ADARB2: variants seen among roughly 807,000 people sequenced by gnomAD.
ADARB2 encodes the protein adenosine deaminase RNA specific B2 (inactive).
In ADARB2, 25 loss-of-function variants were observed where a neutral mutation model predicts 62.2. The ratio of observed to expected loss-of-function variants is 0.40; its 90% confidence interval spans 0.29 to 0.56. The LOEUF (loss-of-function observed/expected upper bound fraction) is 0.56, where lower values mean the gene tolerates loss of function less well. ADARB2 is among the 20% of genes least tolerant of loss of function. ADARB2 has a pLI of 0.43. For synonymous variants in ADARB2, 572 were observed against 500.8 expected, an observed-to-expected ratio of 1.14 and a Z score of -1.90; for missense variants, 1,071 against 1,077.4, an observed-to-expected ratio of 0.99 and a Z score of 0.08.
intron 3 of ADARB2, among the ~76,000 whole-genome samples, chr10:1,307,879 A>G (rs1394996874): frequency 1.6e-5 from 2 of 128,788 alleles, no homozygotes; most frequent in African/African-American, 5.9e-5. Flanking sequence ...GAATTGAACA[A>G]TGAGATCACA....
Position 1,288,228 on chromosome 10 carries a change from GAATC to G in ADARB2, c.1078-17163_1078-17160del, listed in dbSNP as rs555082397. Among the ~76,000 whole-genome samples the G allele has an allele frequency of 4.6e-5, 7 of 152,346 alleles. 1 individual carries two copies. The South Asian group carries it at 1.5e-3, about 32-fold the overall frequency. On this transcript the variant is annotated intron_variant, in intron 3 of 9. Coordinates refer to ENST00000381312, the MANE Select transcript of ADARB2 (RefSeq NM_018702.4). ...CCCCATCCCTGTCCCTCGGGGAAAA[GAATC>G]AATCAGAATTTATTGTGCAAGGCAC...
At chr10:1,369,437 A>T (rs2131854196) in intron 2 of ADARB2, among the ~76,000 whole-genome samples, 1 of 152,040 alleles carries the variant, frequency 6.6e-6, no homozygotes, top group East Asian at 2.0e-4. Context: ...TGCCCTGTGG[A>T]AGTTACCCCC....
intron 1 of ADARB2, among the ~76,000 whole-genome samples, chr10:1,591,453 C>G (rs779299416): frequency 1.3e-5 from 2 of 152,184 alleles, no homozygotes; most frequent in East Asian, 3.9e-4. Flanking sequence ...CCAAAGGCAT[C>G]GAGACAGTGG....
chr10:1,439,246 T>C (rs1251409061), intron 1 of ADARB2, among the ~76,000 whole-genome samples: 2 of 123,084 alleles, frequency 1.6e-5, no homozygotes, highest in South Asian at 3.1e-4. Context: ...AGGCAGACTC[T>C]TCATGATGGG....
intron 1 of ADARB2, among the ~76,000 whole-genome samples, chr10:1,528,583 C>T (rs114269924): frequency 0.016 from 2,382 of 152,310 alleles, 53 homozygotes; most frequent in African/African-American, 0.054. Context: ...ATCCCAGCAG[C>T]GCCCGGTGTG....
At chr10:1,549,746 G>A (rs1012693058) in intron 1 of ADARB2, among the ~76,000 whole-genome samples, 3 of 152,146 alleles carry the variant, frequency 2.0e-5, no homozygotes, top group African/African-American at 7.2e-5. Context: ...AAAGGCAGGA[G>A]ATATCACAGG....
chr10:1,228,130 C>T (rs375027993), intron 6 of ADARB2, among the ~76,000 whole-genome samples: 1 of 152,160 alleles, frequency 6.6e-6, no homozygotes. Context: ...CCTTTCTAGT[C>T]GTTGAATGGA....
intron 2 of ADARB2, among the ~76,000 whole-genome samples, chr10:1,377,584 C>A (rs958008717): frequency 6.6e-6 from 1 of 151,976 alleles, no homozygotes; most frequent in East Asian, 1.9e-4. Flanking sequence ...TTCTCTATCC[C>A]AGATTTCAGA....
At chr10:1,412,490 A>G (rs1422100862) in intron 1 of ADARB2, among the ~76,000 whole-genome samples, 1 of 152,118 alleles carries the variant, frequency 6.6e-6, no homozygotes. Flanking sequence ...ATAGTTCTCT[A>G]TTTTATTTTA....
chr10:1,259,113 C>A (rs375601584), intron 4 of ADARB2, among the ~76,000 whole-genome samples: 5 of 152,132 alleles, frequency 3.3e-5, no homozygotes, highest in African/African-American at 7.2e-5. Context: ...AGAACAAAGA[C>A]ACAACATACC....
chr10:1,519,492 G>A (rs1832047613), intron 1 of ADARB2, among the ~76,000 whole-genome samples: 1 of 152,152 alleles, frequency 6.6e-6, no homozygotes, highest in African/African-American at 2.4e-5. Flanking sequence ...TGCATCGTAG[G>A]GGCCTACTTT....
At position 1,737,481 on chromosome 10, in the gene ADARB2, G is replaced by T. The variant is rs994776498; in HGVS notation, c.-331C>A. 1 of 325,652 alleles carries T rather than the reference G, an allele frequency of 3.1e-6. No homozygotes were observed. The highest frequency in any genetic ancestry group is 4.3e-5 in the Admixed American group (1 of 23,062). The allele number at this position is 325,652 out of a possible 1,614,324, so 20.2% of individuals were successfully genotyped here. ...CTGCTCTGGGCTCCCAGCGCAGGGA[G>T]GCTACTTTTGCGCCTCTGCTAGTTG... On this transcript the variant is annotated 5_prime_UTR_variant, in exon 1 of 10. Coordinates refer to ENST00000381312, the MANE Select transcript of ADARB2 (RefSeq NM_018702.4).
intron 1 of ADARB2, among the ~76,000 whole-genome samples, chr10:1,423,149 T>A (rs1832865251): frequency 6.6e-6 from 1 of 152,102 alleles, no homozygotes; most frequent in Non-Finnish European, 1.5e-5. Context: ...GGCCATTGGG[T>A]TCCAGCTCAG....
intron 1 of ADARB2, among the ~76,000 whole-genome samples, chr10:1,692,429 T>G (rs1834685725): frequency 1.3e-5 from 2 of 152,184 alleles, no homozygotes; most frequent in African/African-American, 4.8e-5. Flanking sequence ...TGGGCCACTT[T>G]TAGATTCAGC....
chr10:1,285,142 TG>T (rs1178425298), intron 3 of ADARB2, among the ~76,000 whole-genome samples: 1 of 139,008 alleles, frequency 7.2e-6, no homozygotes, highest in East Asian at 2.4e-4. Context: ...TTTTTATATA[TG>T]AAAAAGAGAG....
intron 1 of ADARB2, among the ~76,000 whole-genome samples, chr10:1,391,248 C>T (rs1364275462): frequency 4.7e-5 from 7 of 149,732 alleles, no homozygotes; most frequent in African/African-American, 1.2e-4. Flanking sequence ...AACCAATAGG[C>T]GATGTCTGGG....
At chr10:1,582,843 G>T (rs1460163296) in intron 1 of ADARB2, among the ~76,000 whole-genome samples, 2 of 152,186 alleles carry the variant, frequency 1.3e-5, no homozygotes, top group Non-Finnish European at 2.9e-5. Flanking sequence ...GTGCCCTTCA[G>T]CACTGATTTC....
chr10:1,543,248 C>T (rs1310670396), intron 1 of ADARB2, among the ~76,000 whole-genome samples: 2 of 152,252 alleles, frequency 1.3e-5, no homozygotes, highest in African/African-American at 2.4e-5. Context: ...CAGGCCTCAT[C>T]TGGAGGGCTG....
intron 1 of ADARB2, among the ~76,000 whole-genome samples, chr10:1,637,019 GAA>G (rs1018466821): frequency 6.6e-6 from 1 of 150,592 alleles, no homozygotes; most frequent in African/African-American, 2.4e-5. Flanking sequence ...TTTTTTTTCT[GAA>G]AAGTGCCCTC....
Sources: allele counts gnomAD v4.1 joint callset (sites outside exome capture counted in the v4.1 genomes callset), GRCh38; gene constraint gnomAD v4.1.1; transcripts MANE v1.5; gene names NCBI Gene and HGNC (gene_info 2026-07-23, HGNC 2026-07-21).